Variants in FLT1 observed in about 807,000 individuals in gnomAD.
FLT1 encodes vascular endothelial growth factor receptor 1.
A neutral mutation model predicts 156.3 loss-of-function variants in FLT1; 49 were observed. The observed-to-expected ratio is 0.31, with a 90% CI of 0.25 to 0.40. The LOEUF (loss-of-function observed/expected upper bound fraction) is 0.40, where lower values mean the gene tolerates loss of function less well. Ranked by LOEUF, FLT1 falls within the 10% of genes least tolerant of loss-of-function variation. FLT1 has a pLI of 1.00. For synonymous variants in FLT1, 594 were observed against 583.8 expected (o/e 1.02, Z -0.25); for missense variants, 1,322 against 1,637.2 (o/e 0.81, Z 3.32).
intron 17 of FLT1, among the ~76,000 whole-genome samples, chr13:28,337,470 C>CTT (rs1872162033): frequency 1.3e-5 from 2 of 152,184 alleles, no homozygotes; most frequent in Admixed American, 1.3e-4. Context: ...AAGAAATAAA[C>CTT]AAGTCTTGGG....
chr13:28,308,678 A>G (rs1870854950), intron 28 of FLT1, among the ~76,000 whole-genome samples, 165 bp downstream of exon 28: 1 of 152,188 alleles, frequency 6.6e-6, no homozygotes, highest in Non-Finnish European at 1.5e-5. Context: ...TTAGTTCTGC[A>G]CAGCTAGGTC....
rs1273268321 is a variant in FLT1 at position 28,372,060 on chromosome 13, A to G, written c.2116+12825T>C. Among the ~76,000 whole-genome samples the G allele has an allele frequency of 3.2e-3, 237 of 72,950 alleles. 3 individuals are homozygous for G. Among genetic ancestry groups the G allele is most frequent in the Admixed American group, 1.0e-2 (65 of 6,528 alleles). The allele number at this position is 72,950 out of a possible 152,430, so 47.9% of individuals were successfully genotyped here. A position where few individuals can be genotyped will look rare whatever the true frequency, so the allele number is the denominator to read the frequency against. On this transcript the variant is annotated intron_variant, in intron 14 of 29. Coordinates refer to ENST00000282397, the MANE Select transcript of FLT1 (RefSeq NM_002019.4). ...TGTGTGTGTGTGTGTATATATATAT[A>G]TATATATATATATATATTTTTTTTT... is the stretch of plus-strand genomic sequence containing the variant.
Position 28,438,351 on chromosome 13 carries a change from T to A in FLT1, c.389-6A>T. 6.2e-7 allele frequency: 1 copy of A among 1,606,928 alleles called. No individual in the cohort carries two copies. The highest frequency in any genetic ancestry group is 8.5e-7 in the Non-Finnish European group (1 of 1,173,536). On this transcript the variant is annotated splice_region_variant and splice_polypyrimidine_tract_variant and intron_variant, in intron 3 of 29. Transcript: ENST00000282397. ...TACGAAAGGTCTACCTGTATCTGAA[T>A]GAGAAGAAAATGAAAAAAATATATA...
At chr13:28,368,947 CA>C (rs1469122429) in intron 14 of FLT1, among the ~76,000 whole-genome samples, 2 of 151,910 alleles carry the variant, frequency 1.3e-5, no homozygotes, top group Non-Finnish European at 2.9e-5. Flanking sequence ...TCAGGTGATC[CA>C]CCAGCCTCAG....
chr13:28,370,602 CA>C, intron 14 of FLT1, among the ~76,000 whole-genome samples: 1 of 152,238 alleles, frequency 6.6e-6, no homozygotes, highest in East Asian at 1.9e-4. Context: ...TGTGCGCTTT[CA>C]CTGTGAACTT....
At chr13:28,382,449 T>G (rs1018771883) in intron 14 of FLT1, among the ~76,000 whole-genome samples, 1 of 152,242 alleles carries the variant, frequency 6.6e-6, no homozygotes. Context: ...GAGGGCATTC[T>G]CTGTCAGATT....
At chr13:28,350,047 C>T (rs1872691961) in intron 15 of FLT1, among the ~76,000 whole-genome samples, 1 of 152,156 alleles carries the variant, frequency 6.6e-6, no homozygotes, top group Non-Finnish European at 1.5e-5. Context: ...AGCAGTCAAA[C>T]ACACTGGCCT....
intron 10 of FLT1, among the ~76,000 whole-genome samples, chr13:28,422,002 A>G (rs948092713): frequency 3.3e-5 from 5 of 152,258 alleles, no homozygotes; most frequent in African/African-American, 1.2e-4. Flanking sequence ...TTTTACAGAT[A>G]CATATATAGA....
intron 14 of FLT1, chr13:28,368,408 T>TC: frequency 7.2e-7 from 1 of 1,395,728 alleles, no homozygotes. Context: ...TGCCTTGGCC[T>TC]CCCAAAGTGC....
intron 3 of FLT1, among the ~76,000 whole-genome samples, chr13:28,466,458 C>T (rs1156669798): frequency 1.3e-5 from 2 of 152,000 alleles, no homozygotes; most frequent in African/African-American, 2.4e-5. Context: ...ATATAACACT[C>T]GAGATAACAG....
At chr13:28,388,911 A>G (rs1593734672) in intron 13 of FLT1, 1 of 1,064,468 alleles carries the variant, frequency 9.4e-7, no homozygotes, top group East Asian at 5.0e-5. Context: ...GCTGCCATCA[A>G]TAGCTGTGTG....
At position 28,427,250 on chromosome 13, in the gene FLT1, T is replaced by G; in HGVS notation, c.1345A>C (p.Arg449=). 2 of 1,613,964 alleles carry G rather than the reference T, an allele frequency of 1.2e-6. No individual in the cohort carries two copies. Among genetic ancestry groups the G allele is most frequent in the Non-Finnish European group, 1.7e-6 (2 of 1,179,838 alleles). The change falls in exon 10 of 30, where the codon AGA becomes CGA. Residue 449 remains arginine (R), a synonymous_variant. Transcript: ENST00000282397. ...TATGCGGTACAAGTCAGGATTTGTCTGCTGCCCAGTGGGTAGAGAGCCGGG... is the reference window on the plus strand; with the variant it reads ...TATGCGGTACAAGTCAGGATTTGTCGGCTGCCCAGTGGGTAGAGAGCCGGG... The part of the protein sequence containing the change: ...PDPALYPLGS[R]QILTCTAYGI...
chr13:28,328,278 C>T (rs146521528), intron 19 of FLT1: 1 of 152,352 alleles, frequency 6.6e-6, no homozygotes, highest in East Asian at 1.9e-4. Flanking sequence ...CCATTTTAAG[C>T]TCACAGGCTG....
intron 10 of FLT1, among the ~76,000 whole-genome samples, chr13:28,410,672 G>A (rs934801172): frequency 6.6e-6 from 1 of 152,188 alleles, no homozygotes; most frequent in Non-Finnish European, 1.5e-5. Flanking sequence ...AGGGAAACAA[G>A]TTTTGTGAGC....
In FLT1 at chr13:28,322,832, A is replaced by C. The variant is rs1207606794; in HGVS notation, c.2911T>G (p.Phe971Val). 3 of 1,614,190 alleles carry C rather than the reference A, an allele frequency of 1.9e-6. No individual in the cohort carries two copies. Among genetic ancestry groups the C allele is most frequent in the Admixed American group, 1.7e-5 (1 of 60,026 alleles). The change falls in exon 21 of 30, where the codon TTT becomes GTT. Residue 971 changes from phenylalanine to valine, a missense_variant. Phe to Val is a conservative substitution (Grantham distance 50). Around this residue, in one of 3 missense-constraint regions of FLT1, gnomAD observed 991 missense variants for 1,254.8 expected, o/e 0.79. Coordinates refer to ENST00000282397, the MANE Select transcript of FLT1 (RefSeq NM_002019.4). This position sits in a 1 kb window ranked among gnomAD's most constrained non-coding sequence, Gnocchi z 4.3. ...TCACTCAGACTTTTATCTTCCTGAA[A>C]GCCGGAGCTCGCAAAGCTTTCGCTG... ...TSSESFASSG[F>V]QEDKSLSDVE...
chr13:28,484,570 A>T (rs1394469213), intron 1 of FLT1, among the ~76,000 whole-genome samples: 1 of 152,158 alleles, frequency 6.6e-6, no homozygotes, highest in Non-Finnish European at 1.5e-5. Flanking sequence ...TGGAGATGTG[A>T]ACAGTGTCTG....
chr13:28,402,937 G>A (rs992622795), intron 11 of FLT1, among the ~76,000 whole-genome samples: 11 of 151,888 alleles, frequency 7.2e-5, no homozygotes, highest in Admixed American at 3.3e-4. Flanking sequence ...TTACCACTAC[G>A]CCCGGCTAAT....
At chr13:28,321,671 T>C in intron 22 of FLT1, 86 bp from the exon 23 acceptor site, 1 of 1,395,590 alleles carries the variant, frequency 7.2e-7, no homozygotes, top group Non-Finnish European at 1.0e-6. Flanking sequence ...TATCTTAATT[T>C]GGGAATCCAT....
At chr13:28,403,082 C>G (rs552780073) in intron 11 of FLT1, among the ~76,000 whole-genome samples, 44 of 152,300 alleles carry the variant, frequency 2.9e-4, no homozygotes, top group Non-Finnish European at 5.4e-4. Context: ...GCATGAGGCA[C>G]TGCGTCTGGC....
Sources: allele counts gnomAD v4.1 joint callset (sites outside exome capture counted in the v4.1 genomes callset), GRCh38; gene constraint gnomAD v4.1.1; regional missense constraint gnomAD v4.1.1; non-coding constraint Gnocchi (gnomAD v3.1); transcripts MANE v1.5; gene names NCBI Gene and HGNC (gene_info 2026-07-23, HGNC 2026-07-21).